Variants in YPEL2 observed in about 807,000 individuals in gnomAD.
YPEL2 encodes the protein yippee like 2.
A neutral mutation model predicts 19.1 loss-of-function variants in YPEL2; 2 were observed. The ratio of observed to expected loss-of-function variants is 0.10; its 90% CI spans 0.04 to 0.33. YPEL2 has a LOEUF of 0.33. Among genes scored for constraint, YPEL2 ranks in the 10% least tolerant of loss-of-function variants. YPEL2 has a pLI of 1.00. For synonymous variants in YPEL2, 52 were observed against 50.0 expected (o/e 1.04, Z -0.17); for missense variants, 66 against 140.7 (o/e 0.47, Z 2.68).
chr17:59,349,881 A>C (rs911376335), intron 1 of YPEL2, among the ~76,000 whole-genome samples: 2 of 151,432 alleles, frequency 1.3e-5, no homozygotes, highest in African/African-American at 2.4e-5. Flanking sequence ...GGATGGTCTC[A>C]ATCTCTTGAC....
chr17:59,340,572 C>T (rs1474515365), intron 1 of YPEL2, among the ~76,000 whole-genome samples: 10 of 152,058 alleles, frequency 6.6e-5, no homozygotes, highest in Middle Eastern at 3.4e-3. Flanking sequence ...CCCGCCACCT[C>T]GCTCGGCTAA....
At chr17:59,380,458 C>A (rs541164982) in intron 2 of YPEL2, among the ~76,000 whole-genome samples, 1 of 151,704 alleles carries the variant, frequency 6.6e-6, no homozygotes, top group African/African-American at 2.4e-5. Flanking sequence ...TTAGTAGAGA[C>A]GGGGTTTCGC....
rs534950203 is a variant in YPEL2, at chr17:59,334,379, C to T, written c.-196+2555C>T. 8.7e-4 allele frequency among the ~76,000 whole-genome samples: 118 copies of T among 135,378 alleles called. 1 individual carries two copies. The highest frequency in any genetic ancestry group is 3.0e-3 in the African/African-American group (116 of 38,650). The allele number at this position is 135,378 out of a possible 152,430, so 88.8% of individuals were successfully genotyped here. On this transcript the variant is annotated intron_variant, in intron 1 of 4. Transcript: ENST00000312655. ...GCCTCGGGGGAAGGCAGGCAGGTGACTCTTTTTATTTGGGGGGGGGTGAGG... is the reference window on the plus strand; with the variant it reads ...GCCTCGGGGGAAGGCAGGCAGGTGATTCTTTTTATTTGGGGGGGGGTGAGG...
rs1004939414 is a variant in YPEL2, at chr17:59,353,250, G to T, written c.-160G>T. 2 of 591,098 alleles carry T rather than the reference G, an allele frequency of 3.4e-6. No individual in the cohort carries two copies. The highest frequency in any genetic ancestry group is 3.1e-5 in the Admixed American group (1 of 32,296). 36.6% of individuals were successfully genotyped at this position (591,098 alleles called of 1,614,324 possible). ...ACTAGCCCTAGACCTCTGCGTGAGGGTTCTTCTGCCGAAGACATCACCAGT... is the reference window on the plus strand; with the variant it reads ...ACTAGCCCTAGACCTCTGCGTGAGGTTTCTTCTGCCGAAGACATCACCAGT... On this transcript the variant is annotated 5_prime_UTR_variant, in exon 2 of 5. Coordinates refer to ENST00000312655, the MANE Select transcript of YPEL2 (RefSeq NM_001005404.4). This position sits in a 1 kb window ranked among gnomAD's most constrained non-coding sequence, Gnocchi z 4.8.
intron 1 of YPEL2, among the ~76,000 whole-genome samples, chr17:59,332,423 C>T (rs2047675793): frequency 6.6e-6 from 1 of 152,200 alleles, no homozygotes; most frequent in African/African-American, 2.4e-5. Flanking sequence ...GTCTCGGCGC[C>T]TCCCCGGTGT....
intron 2 of YPEL2, among the ~76,000 whole-genome samples, chr17:59,369,783 A>G (rs2047887767): frequency 6.6e-6 from 1 of 152,212 alleles, no homozygotes; most frequent in Non-Finnish European, 1.5e-5. Context: ...CTGGAGGTCC[A>G]AAGAGTGGTT....
intron 2 of YPEL2, among the ~76,000 whole-genome samples, chr17:59,376,159 C>A (rs1567751964): frequency 6.6e-6 from 1 of 152,216 alleles, no homozygotes; most frequent in African/African-American, 2.4e-5. Flanking sequence ...CATCTTCATT[C>A]TTCCCTAGAC....
At chr17:59,382,600 A>C (rs995579980) in intron 2 of YPEL2, among the ~76,000 whole-genome samples, 1 of 152,260 alleles carries the variant, frequency 6.6e-6, no homozygotes, top group Non-Finnish European at 1.5e-5. Flanking sequence ...TTGTAAGCAT[A>C]CAATTTTTAA....
chr17:59,358,966 C>T (rs111897457), intron 2 of YPEL2, among the ~76,000 whole-genome samples: 3,358 of 142,276 alleles, frequency 0.024, 94 homozygotes, highest in East Asian at 0.12. Context: ...CTCTGTGGCC[C>T]AGGCTGGAAT....
At chr17:59,351,575 T>A (rs560488911) in intron 1 of YPEL2, among the ~76,000 whole-genome samples, 2,322 of 152,268 alleles carry the variant, frequency 0.015, 61 homozygotes, top group East Asian at 0.11. Flanking sequence ...AAAGTTTATG[T>A]ATCTTTCGTC....
At chr17:59,385,627 G>A (rs557949156) in intron 2 of YPEL2, among the ~76,000 whole-genome samples, 5 of 152,180 alleles carry the variant, frequency 3.3e-5, no homozygotes, top group East Asian at 3.9e-4. Context: ...AGCTGTAATC[G>A]CCTATGGATC....
chr17:59,378,810 G>A (rs937950282), intron 2 of YPEL2, among the ~76,000 whole-genome samples: 1 of 152,204 alleles, frequency 6.6e-6, no homozygotes, highest in Non-Finnish European at 1.5e-5. Context: ...TCCATCTGTT[G>A]TGGGAATGTG....
At chr17:59,369,891 G>A (rs780911980) in intron 2 of YPEL2, among the ~76,000 whole-genome samples, 6 of 152,158 alleles carry the variant, frequency 3.9e-5, no homozygotes, top group Non-Finnish European at 7.4e-5. Flanking sequence ...CTACTAAGGG[G>A]CAGGCATTGT....
intron 2 of YPEL2, chr17:59,355,015 G>A (rs1163741064): frequency 4.1e-5 from 6 of 147,452 alleles, no homozygotes; most frequent in Non-Finnish European, 1.5e-5. Context: ...GAAATTATTT[G>A]CCTGTATCTA....
intron 1 of YPEL2, among the ~76,000 whole-genome samples, chr17:59,336,028 C>T (rs1050503079): frequency 2.6e-5 from 4 of 152,230 alleles, no homozygotes; most frequent in South Asian, 2.1e-4. Context: ...ACCTGTTTGC[C>T]GACACGGAAG....
chr17:59,360,271 G>A (rs967164787), intron 2 of YPEL2, among the ~76,000 whole-genome samples: 2 of 152,140 alleles, frequency 1.3e-5, no homozygotes, highest in African/African-American at 4.8e-5. Flanking sequence ...GTAGAGACGG[G>A]TTTCACCGTG....
intron 1 of YPEL2, among the ~76,000 whole-genome samples, chr17:59,342,292 G>A (rs2047735658): frequency 6.6e-6 from 1 of 152,210 alleles, no homozygotes; most frequent in South Asian, 2.1e-4. Flanking sequence ...ACACATTCAT[G>A]TATTCAGCAG....
intron 2 of YPEL2, among the ~76,000 whole-genome samples, chr17:59,359,341 A>C (rs146392228): frequency 1.3e-5 from 2 of 152,234 alleles, no homozygotes; most frequent in Admixed American, 1.3e-4. Flanking sequence ...AAATCCCTTC[A>C]TTTCTTTTTT....
At chr17:59,358,941 T>G (rs990939674) in intron 2 of YPEL2, among the ~76,000 whole-genome samples, 10 of 121,512 alleles carry the variant, frequency 8.2e-5, no homozygotes, top group African/African-American at 3.2e-4. Context: ...TTTTTTTTTT[T>G]GAGATGAAGT....
Sources: allele counts gnomAD v4.1 joint callset (sites outside exome capture counted in the v4.1 genomes callset), GRCh38; gene constraint gnomAD v4.1.1; non-coding constraint Gnocchi (gnomAD v3.1); transcripts MANE v1.5; gene names NCBI Gene and HGNC (gene_info 2026-07-23, HGNC 2026-07-21).